RGPD2: variants seen among roughly 807,000 people sequenced by gnomAD.
The protein encoded by RGPD2 is RANBP2-like and GRIP domain-containing protein 2.
A neutral mutation model predicts 36.0 loss-of-function variants in RGPD2; 2 were observed. That is an observed-to-expected ratio of 0.06 (90% CI 0.02 to 0.17). RGPD2 has a LOEUF of 0.17. Ranked by LOEUF, RGPD2 falls within the 10% of genes least tolerant of loss-of-function variation. RGPD2 has a pLI of 1.00. For synonymous variants in RGPD2, 19 were observed against 163.8 expected (o/e 0.12, Z 6.75); for missense variants, 40 against 464.3 (o/e 0.09, Z 8.40).
the RGPD2 span, among the ~76,000 whole-genome samples, chr2:87,843,901 T>C: frequency 1.3e-5 from 2 of 152,002 alleles, no homozygotes; most frequent in Non-Finnish European, 2.9e-5. Context: ...GATGAGTTCA[T>C]GTCCTTTGTA....
chr2:87,891,795 CCAAA>C, the RGPD2 span, among the ~76,000 whole-genome samples: 1 of 25,294 alleles, frequency 4.0e-5, no homozygotes, highest in South Asian at 9.8e-4. Context: ...CCTTTCCGAA[CCAAA>C]CAAATGTTTA....
chr2:87,952,208 G>A, the RGPD2 span, among the ~76,000 whole-genome samples: 1 of 152,276 alleles, frequency 6.6e-6, no homozygotes, highest in Admixed American at 6.5e-5. Context: ...AAGGAAATTT[G>A]TTAATTAAAA....
At chr2:87,843,163 T>C in the RGPD2 span, among the ~76,000 whole-genome samples, 1 of 140,172 alleles carries the variant, frequency 7.1e-6, no homozygotes, top group African/African-American at 2.6e-5. Flanking sequence ...AAGGACTTCA[T>C]GTCTAAAACA....
chr2:87,864,576 TGATAGATA>T, the RGPD2 span, among the ~76,000 whole-genome samples: 12,068 of 149,694 alleles, frequency 0.081, 78 homozygotes, highest in African/African-American at 0.096. Flanking sequence ...CATAGATAGA[TGATAGATA>T]GATAGATAGA....
chr2:87,943,878 T>TTCTAATATATAA, the RGPD2 span, among the ~76,000 whole-genome samples: 1 of 152,096 alleles, frequency 6.6e-6, no homozygotes, highest in African/African-American at 2.4e-5. Context: ...GTTGTTCTTT[T>TTCTAATATATAA]TCTAATATAT....
chr2:87,913,368 G>A, the RGPD2 span, among the ~76,000 whole-genome samples: 1 of 151,882 alleles, frequency 6.6e-6, no homozygotes, highest in African/African-American at 2.4e-5. Flanking sequence ...ACAGGAAGGG[G>A]AATATCACAC....
intron 22 of RGPD2, among the ~76,000 whole-genome samples, chr2:87,769,257 G>A (rs559547929): frequency 7.3e-5 from 11 of 150,260 alleles, no homozygotes; most frequent in South Asian, 6.4e-4. Flanking sequence ...GTGAGCCACC[G>A]TGCCAGGCCT....
the RGPD2 span, among the ~76,000 whole-genome samples, chr2:87,866,680 G>A: frequency 9.2e-5 from 14 of 152,310 alleles, no homozygotes; most frequent in African/African-American, 2.9e-4. Context: ...GGGTGCTTGG[G>A]CGGATCCACG....
the RGPD2 span, among the ~76,000 whole-genome samples, chr2:87,834,904 T>C: frequency 6.7e-5 from 10 of 150,008 alleles, no homozygotes; most frequent in Non-Finnish European, 1.0e-4. Flanking sequence ...GTTGTAATAC[T>C]AACATTAGCA....
chr2:87,929,592 G>C, the RGPD2 span, among the ~76,000 whole-genome samples: 1 of 151,200 alleles, frequency 6.6e-6, no homozygotes, highest in East Asian at 1.9e-4. Context: ...GTTTTCTCCA[G>C]TTCTGTGAAG....
chr2:87,843,256 C>A, the RGPD2 span, among the ~76,000 whole-genome samples: 3 of 102,408 alleles, frequency 2.9e-5, no homozygotes, highest in South Asian at 4.0e-4. Flanking sequence ...AAAGAAACTA[C>A]CATCAGAGTG....
At chr2:87,824,664 T>TG (rs1253492530) in intron 1 of RGPD2, among the ~76,000 whole-genome samples, 3 of 144,674 alleles carry the variant, frequency 2.1e-5, no homozygotes, top group Admixed American at 6.8e-5. Flanking sequence ...ACTTTAAATT[T>TG]GGGGGAAAAA....
At chr2:87,948,381 GC>G in the RGPD2 span, among the ~76,000 whole-genome samples, 2 of 148,820 alleles carry the variant, frequency 1.3e-5, no homozygotes, top group African/African-American at 2.5e-5. Flanking sequence ...ATTATTGTGT[GC>G]TTTTTTTTTT....
At chr2:87,822,328 C>T (rs1207539250) in intron 1 of RGPD2, among the ~76,000 whole-genome samples, 3 of 151,736 alleles carry the variant, frequency 2.0e-5, no homozygotes, top group Non-Finnish European at 4.4e-5. Flanking sequence ...AGAAATAATA[C>T]AAGAAACGCT....
At chr2:87,884,236 A>G in the RGPD2 span, among the ~76,000 whole-genome samples, 1 of 151,998 alleles carries the variant, frequency 6.6e-6, no homozygotes, top group South Asian at 2.1e-4. Flanking sequence ...AATTTAAATA[A>G]TATCTTGAGA....
chr2:87,784,745 G>GTT (rs1685528669), intron 19 of RGPD2, among the ~76,000 whole-genome samples: 1 of 95,926 alleles, frequency 1.0e-5, no homozygotes, highest in African/African-American at 3.6e-5. Context: ...TCAATCAATT[G>GTT]TTATATATAT....
chr2:87,939,953 A>G, the RGPD2 span, among the ~76,000 whole-genome samples: 3 of 152,114 alleles, frequency 2.0e-5, no homozygotes, highest in Non-Finnish European at 2.9e-5. Flanking sequence ...CTTTAAGAGC[A>G]TGAACATTTT....
At chr2:87,830,841 C>T in the RGPD2 span, among the ~76,000 whole-genome samples, 2 of 152,126 alleles carry the variant, frequency 1.3e-5, no homozygotes, top group Non-Finnish European at 1.5e-5. Flanking sequence ...AAAACCCACC[C>T]CCATGATTCA....
chr2:87,878,675 C>G, the RGPD2 span, among the ~76,000 whole-genome samples: 4 of 152,210 alleles, frequency 2.6e-5, no homozygotes, highest in African/African-American at 9.6e-5. Flanking sequence ...AACATCAGAA[C>G]TTTTATCTCT....
Sources: gnomAD v4.1 joint callset for allele counts (sites outside exome capture counted in the v4.1 genomes callset) on GRCh38, gnomAD v4.1.1 for gene constraint, MANE v1.5 for transcripts, NCBI Gene and HGNC (gene_info 2026-07-23, HGNC 2026-07-21) for gene names.